GTPBP4: variants seen among roughly 807,000 people sequenced by gnomAD.
GTPBP4 encodes the protein GTP binding protein 4.
Under a neutral mutation model 81.7 loss-of-function variants are expected in GTPBP4, and 15 were observed. The ratio of observed to expected loss-of-function variants is 0.18; its 90% CI spans 0.12 to 0.28. The LOEUF is 0.28. Among genes scored for constraint, GTPBP4 ranks in the 10% least tolerant of loss-of-function variants. GTPBP4 has a pLI of 1.00. For missense variants in GTPBP4, 847 were observed against 793.8 expected (o/e 1.07, Z -0.81); for synonymous variants, 272 against 274.6 (o/e 0.99, Z 0.09).
At chr10:988,622 C>T in intron 1 of GTPBP4, 95 bp downstream of exon 1, 5 of 928,978 alleles carry the variant, frequency 5.4e-6, no homozygotes, top group South Asian at 5.3e-5. Context: ...AGAGCGGTCG[C>T]CTTCCGCTCG....
chr10:1,003,601 G>T (rs1249877384), intron 8 of GTPBP4, among the ~76,000 whole-genome samples: 1 of 152,204 alleles, frequency 6.6e-6, no homozygotes, highest in African/African-American at 2.4e-5. Context: ...TTTGGGAAGA[G>T]AACCGTGACT....
chr10:996,367 C>A, intron 4 of GTPBP4, 125 bp downstream of exon 4: 1 of 731,244 alleles, frequency 1.4e-6, no homozygotes, highest in Non-Finnish European at 2.1e-6. Flanking sequence ...TTCTTCCTAG[C>A]TTTACCTATG....
At chr10:1,014,354 AC>A in intron 15 of GTPBP4, 42 bp downstream of exon 15, 1 of 1,419,384 alleles carries the variant, frequency 7.0e-7, no homozygotes, top group Non-Finnish European at 1.0e-6. Context: ...GGCTGGATAC[AC>A]CTTTTTAATA....
At position 1,017,925 on chromosome 10, in the gene GTPBP4, C is replaced by T. The variant is rs1832019504; in HGVS notation, c.*698C>T. 6.6e-6 allele frequency: 1 copy of T among 152,188 alleles called. No individual in the cohort carries two copies. Among genetic ancestry groups the T allele is most frequent in the Admixed American group, 6.5e-5 (1 of 15,276 alleles). 9.4% of individuals were successfully genotyped at this position (152,188 alleles called of 1,614,324 possible). ...CACAAAAACACCGCCAATGCCACCT[C>T]AAAAGCACCTGCTGGGGAGCGTTGG... On this transcript the variant is annotated 3_prime_UTR_variant, in exon 17 of 17. Coordinates refer to ENST00000360803, the MANE Select transcript of GTPBP4 (RefSeq NM_012341.3).
chr10:1,012,785 A>G (rs1023758117), intron 14 of GTPBP4, 123 bp downstream of exon 14: 12 of 658,512 alleles, frequency 1.8e-5, no homozygotes, highest in Non-Finnish European at 2.9e-5. Flanking sequence ...TTCTTGTTTT[A>G]TTGGTGTATG....
rs1191550341 is a variant in GTPBP4 at position 1,019,441 on chromosome 10, G to A, written c.*2214G>A. ...CCCCTTTTGCCCTGTTTTTTGGAGA[G>A]GGTGTATCATTGCCTCAATGGTGCG... On this transcript the variant is annotated 3_prime_UTR_variant, in exon 17 of 17. Transcript: ENST00000360803. 2.5e-6 allele frequency: 3 copies of A among 1,188,626 alleles called. No individual in the cohort carries two copies. Among genetic ancestry groups the A allele is most frequent in the Admixed American group, 2.4e-5 (1 of 41,652 alleles). The allele number at this position is 1,188,626 out of a possible 1,614,324, so 73.6% of individuals were successfully genotyped here.
At chr10:1,016,998 T>C in intron 16 of GTPBP4, 77 bp from the exon 17 acceptor site, 1 of 1,186,402 alleles carries the variant, frequency 8.4e-7, no homozygotes, top group African/African-American at 1.5e-5. Flanking sequence ...AACAGATTGT[T>C]ACCCAGTAGT....
chr10:1,014,730 G>A (rs554333500), intron 15 of GTPBP4, among the ~76,000 whole-genome samples: 2 of 152,280 alleles, frequency 1.3e-5, no homozygotes, highest in East Asian at 1.9e-4. Flanking sequence ...AAAAAGAAAT[G>A]AGAGCTTCCA....
intron 9 of GTPBP4, among the ~76,000 whole-genome samples, chr10:1,006,683 T>A (rs1168225126): frequency 6.6e-6 from 1 of 151,662 alleles, no homozygotes; most frequent in Non-Finnish European, 1.5e-5. Flanking sequence ...CACTCAGGAT[T>A]TAAAAAGATG....
intron 10 of GTPBP4, chr10:1,007,868 C>G (rs1367975582): frequency 1.9e-6 from 1 of 514,358 alleles, no homozygotes; most frequent in African/African-American, 1.9e-5. Flanking sequence ...GCATGTTTGT[C>G]TGCTTATTGG....
At chr10:989,114 C>CTTTTTTTTTTTTTTTTTTTTTTTTTTTT (rs869154759) in intron 1 of GTPBP4, among the ~76,000 whole-genome samples, 1 of 102,100 alleles carries the variant, frequency 9.8e-6, no homozygotes, top group African/African-American at 3.9e-5. Context: ...AGTATTAGGA[C>CTTTTTTTTTTTTTTTTTTTTTTTTTTTT]TTTTTTTTTT....
chr10:1,009,618 A>G (rs371470171), intron 12 of GTPBP4, 38 bp downstream of exon 12: 49 of 1,152,374 alleles, frequency 4.3e-5, no homozygotes, highest in Middle Eastern at 1.9e-4. Context: ...TAAAATGCCA[A>G]TTGGACGTGA....
In GTPBP4 at chr10:1,018,166, C is replaced by G. The variant is rs1205106033; in HGVS notation, c.*939C>G. Reference sequence around the variant, plus strand: ...GCTGGGCTGGGCGCAGGGGCTCAAGCCTGTAGTTCCAGCACTTTGGGAGGC... The same window carrying G: ...GCTGGGCTGGGCGCAGGGGCTCAAGGCTGTAGTTCCAGCACTTTGGGAGGC... On this transcript the variant is annotated 3_prime_UTR_variant, in exon 17 of 17. Coordinates refer to ENST00000360803, the MANE Select transcript of GTPBP4 (RefSeq NM_012341.3). 6.6e-6 allele frequency: 1 copy of G among 152,402 alleles called. No individual in the cohort carries two copies. Among genetic ancestry groups the G allele is most frequent in the African/African-American group, 2.4e-5 (1 of 41,564 alleles). The allele number at this position is 152,402 out of a possible 1,614,324, so 9.4% of individuals were successfully genotyped here. A position where few individuals can be genotyped will look rare whatever the true frequency, so the allele number is the denominator to read the frequency against.
At position 1,000,662 on chromosome 10, in the gene GTPBP4, G is replaced by T. The variant is rs761372382; in HGVS notation, c.655-15G>T. On this transcript the variant is annotated splice_polypyrimidine_tract_variant and intron_variant, in intron 6 of 16. Transcript: ENST00000360803. ...GGGTGAGTGTGCTTTCAGTGACAAG[G>T]TCTGGCTGTGTTAGGTTGTAGACAC... 6.7e-7 allele frequency: 1 copy of T among 1,483,374 alleles called. No homozygotes were observed. The highest frequency in any genetic ancestry group is 1.4e-5 in the African/African-American group (1 of 70,974). 91.9% of individuals were successfully genotyped at this position (1,483,374 alleles called of 1,614,324 possible).
intron 10 of GTPBP4, chr10:1,008,359 C>G (rs1266275647): frequency 1.6e-5 from 6 of 369,990 alleles, no homozygotes; most frequent in Non-Finnish European, 3.2e-5. Context: ...GAGCCGAGAT[C>G]ACTCCACTGT....
chr10:1,019,704 C>G lies in GTPBP4; in HGVS notation c.*2477C>G, dbSNP rs200578674. ...CAGGTAGAGGATGCTTTTCGTTTCA[C>G]TGGGATCCGGGTTCAGAGTGACGTT... On this transcript the variant is annotated 3_prime_UTR_variant, in exon 17 of 17. Coordinates refer to ENST00000360803, the MANE Select transcript of GTPBP4 (RefSeq NM_012341.3). The G allele has an allele frequency of 1.9e-6, 3 of 1,614,042 alleles. No individual in the cohort carries two copies. Among genetic ancestry groups the G allele is most frequent in the Non-Finnish European group, 2.5e-6 (3 of 1,180,014 alleles).
At chr10:1,001,119 T>C in intron 8 of GTPBP4, 106 bp downstream of exon 8, 1 of 723,476 alleles carries the variant, frequency 1.4e-6, no homozygotes, top group South Asian at 1.6e-5. Flanking sequence ...TAGTCCACAA[T>C]TGTATTTTAT....
At chr10:993,976 C>T (rs1160407943) in intron 2 of GTPBP4, among the ~76,000 whole-genome samples, 7 of 152,068 alleles carry the variant, frequency 4.6e-5, no homozygotes, top group African/African-American at 1.7e-4. Flanking sequence ...CCAGGCTTGT[C>T]TCGAACTCCT....
At chr10:996,751 G>A (rs1831544204) in intron 4 of GTPBP4, 1 of 162,432 alleles carries the variant, frequency 6.2e-6, no homozygotes, top group Non-Finnish European at 1.3e-5. Flanking sequence ...CTTTGCTACA[G>A]ATCTGTGTGG....
Sources: allele counts gnomAD v4.1 joint callset (sites outside exome capture counted in the v4.1 genomes callset), GRCh38; gene constraint gnomAD v4.1.1; transcripts MANE v1.5; gene names NCBI Gene and HGNC (gene_info 2026-07-23, HGNC 2026-07-21).